PCA3: variants seen among roughly 807,000 people sequenced by gnomAD.
PCA3 encodes Differential Display code 3.
intron 2 of PCA3, among the ~76,000 whole-genome samples, chr9:76,774,460 T>TATTTATTTATTTTTTTTTTTA (rs1564272674): frequency 1.4e-5 from 2 of 138,580 alleles, no homozygotes; most frequent in African/African-American, 2.7e-5. Flanking sequence ...CTTTTTTTTT[T>TATTTATTTATTTTTTTTTTTA]TTTTTTTTTT....
At chr9:76,766,567 C>T (rs889580992) in intron 2 of PCA3, among the ~76,000 whole-genome samples, 1 of 152,164 alleles carries the variant, frequency 6.6e-6, no homozygotes, top group African/African-American at 2.4e-5. Context: ...AGTGCCTCTC[C>T]CATCCACTTT....
intron 2 of PCA3, among the ~76,000 whole-genome samples, chr9:76,770,220 C>T (rs1453754232): frequency 6.6e-6 from 1 of 152,026 alleles, no homozygotes; most frequent in Non-Finnish European, 1.5e-5. Flanking sequence ...TATTTTTACC[C>T]TTACACTTGT....
At chr9:76,775,072 A>AC (rs1481481499) in intron 2 of PCA3, among the ~76,000 whole-genome samples, 1 of 151,988 alleles carries the variant, frequency 6.6e-6, no homozygotes, top group East Asian at 1.9e-4. Context: ...AAAGAAGAAA[A>AC]AAAATTTGCC....
Position 76,776,941 on chromosome 9 carries a change from C to CAG in PCA3, n.853-31641_853-31640insGA, listed in dbSNP as rs1355467487. The stretch of plus-strand genomic sequence containing the variant: ...ACACACACACACACACACACACACA[C>CAG]ACACAAAGGGCCTGGACCTTTCTTC... On this transcript the variant is annotated intron_variant and non_coding_transcript_variant, in intron 2 of 5. Transcript: ENST00000644657. 5.4e-3 allele frequency among the ~76,000 whole-genome samples: 781 copies of CAG among 145,000 alleles called. 22 individuals carry two copies. The highest frequency in any genetic ancestry group is 6.5e-3 in the African/African-American group (250 of 38,546).
At chr9:76,767,968 C>A (rs2052606104) in intron 2 of PCA3, among the ~76,000 whole-genome samples, 1 of 152,204 alleles carries the variant, frequency 6.6e-6, no homozygotes, top group African/African-American at 2.4e-5. Context: ...ACATTCACAT[C>A]TCTCTGATCT....
intron 2 of PCA3, among the ~76,000 whole-genome samples, chr9:76,767,544 T>C (rs1344284589): frequency 1.3e-5 from 2 of 152,180 alleles, no homozygotes; most frequent in Non-Finnish European, 2.9e-5. Flanking sequence ...ATCACCTCTT[T>C]AAAAAGAAAA....
At chr9:76,787,235 T>A (rs1439545944) in intron 2 of PCA3, 1 of 152,208 alleles carries the variant, frequency 6.6e-6, no homozygotes, top group Non-Finnish European at 1.5e-5. Flanking sequence ...CTTTTCTTAC[T>A]CTTTTATCAC....
At chr9:76,781,619 C>T (rs1333790015) in intron 2 of PCA3, among the ~76,000 whole-genome samples, 1 of 152,216 alleles carries the variant, frequency 6.6e-6, no homozygotes, top group African/African-American at 2.4e-5. Flanking sequence ...TCATTTTCTT[C>T]ATAGCACTTA....
chr9:76,766,542 A>G (rs1311298353), intron 2 of PCA3, among the ~76,000 whole-genome samples: 5 of 152,150 alleles, frequency 3.3e-5, no homozygotes, highest in Non-Finnish European at 7.3e-5. Flanking sequence ...GGACAACTGG[A>G]TCATGTTCAT....
intron 2 of PCA3, among the ~76,000 whole-genome samples, chr9:76,772,731 T>C (rs1322609803): frequency 4.6e-5 from 7 of 152,128 alleles, no homozygotes; most frequent in Admixed American, 4.6e-4. Context: ...ATCCAGCTAA[T>C]TGTTTAATTT....
Position 76,768,032 on chromosome 9 carries a change from A to G in PCA3, n.852+31417A>G, listed in dbSNP as rs2052612688. On this transcript the variant is annotated intron_variant and non_coding_transcript_variant, in intron 2 of 5. Coordinates refer to ENST00000644657, the Ensembl canonical transcript of PCA3. ...ACTGCCCTCCAGCTATACGTGCATC[A>G]CAGCGGCAGGTCAGAGGGAGTCCTG... is the stretch of plus-strand genomic sequence containing the variant. Among the ~76,000 whole-genome samples the G allele has an allele frequency of 2.0e-5, 3 of 152,154 alleles. No individual in the cohort carries two copies. The South Asian group carries it at 6.2e-4, about 32-fold the overall frequency.
At chr9:76,773,829 A>AGTT (rs2053400837) in intron 2 of PCA3, among the ~76,000 whole-genome samples, 1 of 152,212 alleles carries the variant, frequency 6.6e-6, no homozygotes, top group Non-Finnish European at 1.5e-5. Context: ...TCAACAAGGA[A>AGTT]ACTTACTTAG....
chr9:76,769,350 T>G (rs1169986263), intron 2 of PCA3, among the ~76,000 whole-genome samples: 1 of 152,232 alleles, frequency 6.6e-6, no homozygotes, highest in African/African-American at 2.4e-5. Context: ...TCCGTAGCAC[T>G]TCTTTGCATG....
At chr9:76,773,344 T>C (rs1331724228) in intron 2 of PCA3, among the ~76,000 whole-genome samples, 1 of 152,128 alleles carries the variant, frequency 6.6e-6, no homozygotes, top group Non-Finnish European at 1.5e-5. Flanking sequence ...GGAAGAAAGG[T>C]TGATTTATAG....
At chr9:76,769,156 C>T (rs2052795985) in intron 2 of PCA3, among the ~76,000 whole-genome samples, 3 of 152,172 alleles carry the variant, frequency 2.0e-5, no homozygotes, top group Non-Finnish European at 2.9e-5. Context: ...TATTGCTTTG[C>T]TTTTAAAATA....
chr9:76,771,784 C>T (rs1412096866), intron 2 of PCA3, among the ~76,000 whole-genome samples: 2 of 152,088 alleles, frequency 1.3e-5, no homozygotes, highest in Admixed American at 6.6e-5. Flanking sequence ...AATTATTTCC[C>T]AGAGGGAGAG....
intron 2 of PCA3, among the ~76,000 whole-genome samples, chr9:76,782,318 A>T (rs1208684526): frequency 6.6e-6 from 1 of 152,234 alleles, no homozygotes; most frequent in Non-Finnish European, 1.5e-5. Flanking sequence ...AATGAATGAA[A>T]GAATGTGCTT....
rs1331740508 is a variant in PCA3, at chr9:76,787,565, A to C, written n.853-21018A>C. On this transcript the variant is annotated intron_variant and non_coding_transcript_variant, in intron 2 of 5. Transcript: ENST00000644657. The stretch of plus-strand genomic sequence containing the variant: ...GAACGTAAAGTAAAATTTAAAAAAA[A>C]GTGATCCTTTGCCATGTTTGTTAGC... 6 of 152,180 alleles carry C rather than the reference A, an allele frequency of 3.9e-5. No individual in the cohort carries two copies. In the East Asian group the frequency reaches 9.6e-4, roughly 24 times the overall value. The allele number at this position is 152,180 out of a possible 1,614,324, so 9.4% of individuals were successfully genotyped here.
chr9:76,775,812 G>A (rs1211802351), intron 2 of PCA3, among the ~76,000 whole-genome samples: 2 of 152,282 alleles, frequency 1.3e-5, no homozygotes, highest in South Asian at 2.1e-4. Flanking sequence ...CCTTCATGCC[G>A]GCTATGCAGG....
Sources: allele counts gnomAD v4.1 joint callset (sites outside exome capture counted in the v4.1 genomes callset), GRCh38; gene constraint gnomAD v4.1.1; transcripts MANE v1.5; gene names NCBI Gene and HGNC (gene_info 2026-07-23, HGNC 2026-07-21).